FANCE: variants seen among roughly 807,000 people sequenced by gnomAD.
FANCE encodes the protein FA complementation group E, also known as Fanconi anemia group E protein.
A neutral mutation model predicts 57.8 loss-of-function variants in FANCE; 42 were observed. That is an observed-to-expected ratio of 0.73 (90% confidence interval 0.57 to 0.94). The LOEUF is 0.94. Among genes scored for constraint, FANCE ranks in the 40% least tolerant of loss-of-function variants. The pLI is 0.00. For synonymous variants in FANCE, 251 were observed against 286.4 expected (o/e 0.88, Z 1.25); for missense variants, 608 against 661.8 (o/e 0.92, Z 0.89).
Position 35,461,607 on chromosome 6 carries a change from A to G in FANCE, c.1383+989A>G, listed in dbSNP as rs45532239. Among the ~76,000 whole-genome samples, 82 of 150,052 alleles carry G rather than the reference A, an allele frequency of 5.5e-4. No homozygotes were observed. The East Asian group carries it at 0.012, about 22-fold the overall frequency. ...GATTTTTTTCATATCAGTACCTGAA[A>G]TTCTGCCTCATTTGTTTATATCTTA... On this transcript the variant is annotated intron_variant, in intron 8 of 9. Transcript: ENST00000229769.
intron 8 of FANCE, among the ~76,000 whole-genome samples, chr6:35,460,865 G>T (rs1006618429): frequency 6.6e-6 from 1 of 151,984 alleles, no homozygotes; most frequent in Admixed American, 6.6e-5. Flanking sequence ...GATTTTTGAT[G>T]TGTGTGTGTG....
chr6:35,464,659 G>A (rs909964446), intron 9 of FANCE, among the ~76,000 whole-genome samples: 3 of 151,336 alleles, frequency 2.0e-5, no homozygotes, highest in Admixed American at 1.3e-4. Flanking sequence ...AGCCTCAGGC[G>A]TGGCTCTAAG....
intron 5 of FANCE, among the ~76,000 whole-genome samples, chr6:35,458,973 G>T (rs1349336547): frequency 1.3e-5 from 2 of 152,100 alleles, no homozygotes; most frequent in Non-Finnish European, 2.9e-5. Context: ...TAGAGACTGG[G>T]TTTCGCCACG....
rs1322822820 is a variant in FANCE at position 35,452,520 on chromosome 6, G to C, written c.-26G>C. 5.5e-6 allele frequency: 7 copies of C among 1,280,270 alleles called. No individual in the cohort carries two copies. Among genetic ancestry groups the C allele is most frequent in the Non-Finnish European group, 5.9e-6 (6 of 1,011,946 alleles). The allele number at this position is 1,280,270 out of a possible 1,614,324, so 79.3% of individuals were successfully genotyped here. On this transcript the variant is annotated 5_prime_UTR_variant, in exon 1 of 10. Transcript: ENST00000229769. ...AGCTGAGGCCCCACACCAGAGTAGG[G>C]GGCGGCGCGGCACCCGTGCCCCGGC...
At position 35,466,390 on chromosome 6, in the gene FANCE, C is replaced by T. The variant is rs953848634; in HGVS notation, c.*45C>T. On this transcript the variant is annotated 3_prime_UTR_variant, in exon 10 of 10. Transcript: ENST00000229769. ...CCTCTTGGTGCTCCATCACCAGCTT[C>T]CTGAAGGGCATTTCTTTCTTCACCA... 8.3e-6 allele frequency: 10 copies of T among 1,210,022 alleles called. No homozygotes were observed. The highest frequency in any genetic ancestry group is 1.2e-5 in the Non-Finnish European group (10 of 811,122). 75.0% of individuals were successfully genotyped at this position (1,210,022 alleles called of 1,614,324 possible). A position where few individuals can be genotyped will look rare whatever the true frequency, so the allele number is the denominator to read the frequency against.
At chr6:35,465,411 A>T (rs988402874) in intron 9 of FANCE, among the ~76,000 whole-genome samples, 1 of 151,828 alleles carries the variant, frequency 6.6e-6, no homozygotes, top group Non-Finnish European at 1.5e-5. Context: ...GCCTGACCTC[A>T]CATGATCCAC....
At chr6:35,458,480 G>A in intron 5 of FANCE, 40 bp downstream of exon 5, 1 of 1,612,052 alleles carries the variant, frequency 6.2e-7, no homozygotes, top group South Asian at 1.1e-5. Flanking sequence ...CAAGGACAAT[G>A]GGGAAGAGCA....
At position 35,452,756 on chromosome 6, in the gene FANCE, G is replaced by A; in HGVS notation, c.211G>A (p.Glu71Lys). The A allele has an allele frequency of 7.8e-7, 1 of 1,277,504 alleles. No individual in the cohort carries two copies. The highest frequency in any genetic ancestry group is 9.9e-7 in the Non-Finnish European group (1 of 1,008,686). 79.1% of individuals were successfully genotyped at this position (1,277,504 alleles called of 1,614,324 possible). A position where few individuals can be genotyped will look rare whatever the true frequency, so the allele number is the denominator to read the frequency against. ...CTTGCTCGAGGCCCTGTGCCGGGAG[G>A]AGCCGGTCGTGCAGGGGCCTGACGG... is the stretch of plus-strand genomic sequence containing the variant. ...GRLLEALCREEPVVQGPDGRL... is the reference protein window; with the variant it reads ...GRLLEALCREKPVVQGPDGRL... The change falls in exon 1 of 10, where the codon GAG becomes AAG. Residue 71 changes from glutamate (E) to lysine (K), a missense_variant. By Grantham distance (56) the Glu-to-Lys change is moderately conservative. Coordinates refer to ENST00000229769, the MANE Select transcript of FANCE (RefSeq NM_021922.3).
chr6:35,457,802 C>T (rs2150893756), intron 3 of FANCE, 114 bp from the exon 4 acceptor site: 2 of 1,086,848 alleles, frequency 1.8e-6, no homozygotes, highest in Non-Finnish European at 2.8e-6. Flanking sequence ...ACTTCCTCTT[C>T]TCTGGTAGTG....
intron 9 of FANCE, among the ~76,000 whole-genome samples, chr6:35,464,759 G>C (rs972809027): frequency 7.4e-6 from 1 of 135,300 alleles, no homozygotes; most frequent in African/African-American, 2.9e-5. Flanking sequence ...TTGAGATGGA[G>C]TCTCGCTCTG....
chr6:35,459,905 T>A, intron 7 of FANCE, 145 bp downstream of exon 7: 1 of 706,392 alleles, frequency 1.4e-6, no homozygotes, highest in Non-Finnish European at 2.5e-6. Context: ...TCTTTCTCCT[T>A]TATGAGTCCT....
Position 35,457,907 on chromosome 6 carries a change from T to C in FANCE, c.901-9T>C. 2 of 1,613,508 alleles carry C rather than the reference T, an allele frequency of 1.2e-6. No individual in the cohort carries two copies. Among genetic ancestry groups the C allele is most frequent in the East Asian group, 4.5e-5 (2 of 44,880 alleles). On this transcript the variant is annotated splice_polypyrimidine_tract_variant and intron_variant, in intron 3 of 9. Coordinates refer to ENST00000229769, the MANE Select transcript of FANCE (RefSeq NM_021922.3). Reference sequence around the variant, plus strand: ...TCTGCCAGCCCTAACATGAGATTTGTCTCCCCAGGGGTTAGAGGGATTGGA... The same window carrying C: ...TCTGCCAGCCCTAACATGAGATTTGCCTCCCCAGGGGTTAGAGGGATTGGA...
At chr6:35,460,471 C>A in intron 7 of FANCE, 81 bp from the exon 8 acceptor site, 1 of 1,399,160 alleles carries the variant, frequency 7.1e-7, no homozygotes, top group Non-Finnish European at 1.0e-6. Context: ...CCTTGCCCTG[C>A]TGTGGGAGTT....
In FANCE at chr6:35,466,437, G is replaced by A; in HGVS notation, c.*92G>A. On this transcript the variant is annotated 3_prime_UTR_variant, in exon 10 of 10. Transcript: ENST00000229769. ...ACCACCTTGTCTTGAGCCCTAGCCT[G>A]AGGATAAAGGCTGAGCCTGGCCATC... 1.1e-6 allele frequency: 1 copy of A among 880,236 alleles called. No homozygotes were observed. Among genetic ancestry groups the A allele is most frequent in the Middle Eastern group, 2.2e-4 (1 of 4,650 alleles). 54.5% of individuals were successfully genotyped at this position (880,236 alleles called of 1,614,324 possible).
intron 8 of FANCE, among the ~76,000 whole-genome samples, chr6:35,462,423 A>G (rs992222370): frequency 2.6e-5 from 4 of 152,174 alleles, no homozygotes; most frequent in Admixed American, 2.6e-4. Context: ...ATTATTATAA[A>G]GAGACAGGTG....
rs1161894620 is a variant in FANCE, at chr6:35,460,534, A to G, written c.1317-18A>G. Reference sequence around the variant, plus strand: ...GGTGGGAGGCCAGGCATTTTTCACTAGGGCCTCTGCTTTGCAGACAGATCT... The same window carrying G: ...GGTGGGAGGCCAGGCATTTTTCACTGGGGCCTCTGCTTTGCAGACAGATCT... On this transcript the variant is annotated intron_variant, in intron 7 of 9. Transcript: ENST00000229769. The G allele has an allele frequency of 6.2e-7, 1 of 1,613,166 alleles. No individual in the cohort carries two copies. Among genetic ancestry groups the G allele is most frequent in the African/African-American group, 1.3e-5 (1 of 75,016 alleles).
At position 35,456,247 on chromosome 6, in the gene FANCE, CTAT is replaced by C; in HGVS notation, c.752_754del (p.Ile251del). The C allele has an allele frequency of 6.2e-7, 1 of 1,614,198 alleles. No homozygotes were observed. Among genetic ancestry groups the C allele is most frequent in the Non-Finnish European group, 8.5e-7 (1 of 1,180,034 alleles). On this transcript the variant is annotated inframe_deletion, in exon 2 of 10. Coordinates refer to ENST00000229769, the MANE Select transcript of FANCE (RefSeq NM_021922.3). This position sits in a 1 kb window ranked among gnomAD's most constrained non-coding sequence, Gnocchi z 4.3. ...CTGGCAGATGGAGGAAGTGCATCTCCTATTAAGGACCAGCCTGTCATGGCAGTT... is the reference window on the plus strand; with the variant it reads ...CTGGCAGATGGAGGAAGTGCATCTCCTAAGGACCAGCCTGTCATGGCAGTT...
chr6:35,455,639 G>A (rs45454199), intron 1 of FANCE, 108 bp from the exon 2 acceptor site: 14,737 of 1,335,392 alleles, frequency 0.011, 226 homozygotes, highest in East Asian at 0.067. Flanking sequence ...CAGATACTGC[G>A]TGCCAGCCCC....
At chr6:35,462,239 C>G (rs939014574) in intron 8 of FANCE, among the ~76,000 whole-genome samples, 2 of 152,078 alleles carry the variant, frequency 1.3e-5, no homozygotes, top group Non-Finnish European at 2.9e-5. Flanking sequence ...CCCTGAGTAG[C>G]TGGGATTACA....
Sources: gnomAD v4.1 joint callset for allele counts (sites outside exome capture counted in the v4.1 genomes callset) on GRCh38, gnomAD v4.1.1 for gene constraint, Gnocchi (gnomAD v3.1) non-coding constraint, MANE v1.5 for transcripts, NCBI Gene and HGNC (gene_info 2026-07-23, HGNC 2026-07-21) for gene names.